Variants in TMEM131L observed in about 807,000 individuals in gnomAD.
The protein encoded by TMEM131L is transmembrane protein 131-like.
TMEM131L carries 54 observed loss-of-function variants against 192.2 expected under a neutral mutation model. The observed-to-expected ratio is 0.28, with a 90% CI of 0.23 to 0.35. The LOEUF is 0.35. Among genes scored for constraint, TMEM131L ranks in the 10% least tolerant of loss-of-function variants. The probability of loss-of-function intolerance (pLI) is 1.00; values close to 1 mark genes in which losing one functional copy is unlikely to be tolerated. For synonymous variants in TMEM131L, 701 were observed against 704.9 expected (o/e 0.99, Z 0.09); for missense variants, 1,888 against 1,972.9 (o/e 0.96, Z 0.82).
chr4:153,546,353 GAGGCC>G (rs1251313157), intron 3 of TMEM131L, among the ~76,000 whole-genome samples: 1 of 152,036 alleles, frequency 6.6e-6, no homozygotes, highest in African/African-American at 2.4e-5. Context: ...AAGAGTAAAA[GAGGCC>G]AGGTGGTCTT....
intron 3 of TMEM131L, among the ~76,000 whole-genome samples, chr4:153,525,627 A>AC (rs1735414760): frequency 3.3e-5 from 5 of 152,324 alleles, no homozygotes; most frequent in African/African-American, 1.2e-4. Flanking sequence ...GGCGTGAGCC[A>AC]CCGTGCCCAG....
intron 3 of TMEM131L, among the ~76,000 whole-genome samples, chr4:153,511,000 C>A (rs1338239643): frequency 6.6e-6 from 1 of 151,968 alleles, no homozygotes; most frequent in Non-Finnish European, 1.5e-5. Flanking sequence ...TCAAAAAGAC[C>A]TTTTTCCAAG....
At chr4:153,492,417 G>C (rs1442284086) in intron 3 of TMEM131L, among the ~76,000 whole-genome samples, 1 of 152,138 alleles carries the variant, frequency 6.6e-6, no homozygotes, top group African/African-American at 2.4e-5. Context: ...AAATTGATGA[G>C]GCTTCAGGGA....
At chr4:153,516,566 A>T (rs963323688) in intron 3 of TMEM131L, among the ~76,000 whole-genome samples, 3 of 152,102 alleles carry the variant, frequency 2.0e-5, no homozygotes, top group African/African-American at 7.2e-5. Context: ...GTTTATTTAA[A>T]AGGAAAGAAA....
chr4:153,514,044 A>G (rs1423196764), intron 3 of TMEM131L, among the ~76,000 whole-genome samples: 1 of 152,070 alleles, frequency 6.6e-6, no homozygotes, highest in African/African-American at 2.4e-5. Context: ...TCCTTTGAGT[A>G]GCTTTCTTTT....
At chr4:153,636,053 T>A (rs1578921734) in intron 34 of TMEM131L, among the ~76,000 whole-genome samples, 1 of 152,252 alleles carries the variant, frequency 6.6e-6, no homozygotes. Flanking sequence ...TTTGTTTTTT[T>A]CCAGATAAAG....
At chr4:153,493,516 C>T (rs531073517) in intron 3 of TMEM131L, among the ~76,000 whole-genome samples, 56 of 151,922 alleles carry the variant, frequency 3.7e-4, no homozygotes, top group Non-Finnish European at 7.7e-4. Context: ...AAAAATTAGC[C>T]GGGCATGGCG....
At chr4:153,576,950 C>T (rs1729990515) in intron 7 of TMEM131L, among the ~76,000 whole-genome samples, 1 of 152,104 alleles carries the variant, frequency 6.6e-6, no homozygotes, top group Non-Finnish European at 1.5e-5. Flanking sequence ...AGGCATTGTG[C>T]ATTCGAAGCA....
chr4:153,595,798 A>G (rs926079869), intron 19 of TMEM131L, among the ~76,000 whole-genome samples: 5 of 152,096 alleles, frequency 3.3e-5, no homozygotes, highest in Admixed American at 3.3e-4. Flanking sequence ...TGGAGATACT[A>G]AATATAATAA....
intron 4 of TMEM131L, among the ~76,000 whole-genome samples, chr4:153,554,760 G>C (rs570191203): frequency 2.0e-5 from 3 of 152,294 alleles, no homozygotes; most frequent in Admixed American, 1.3e-4. Flanking sequence ...TGAAATTTTT[G>C]CTGGCTCCCT....
intron 25 of TMEM131L, among the ~76,000 whole-genome samples, chr4:153,606,848 C>T (rs2126478717): frequency 6.6e-6 from 1 of 152,306 alleles, no homozygotes; most frequent in South Asian, 2.1e-4. Flanking sequence ...CCACCATGTT[C>T]AGACCAGCAA....
chr4:153,552,002 A>G (rs1737661917), intron 4 of TMEM131L, among the ~76,000 whole-genome samples: 1 of 152,066 alleles, frequency 6.6e-6, no homozygotes, highest in Admixed American at 6.5e-5. Flanking sequence ...TGAGCTCAGG[A>G]GTTCGAGACC....
chr4:153,510,906 GAAAA>G (rs886765262), intron 3 of TMEM131L, among the ~76,000 whole-genome samples: 1 of 151,414 alleles, frequency 6.6e-6, no homozygotes, highest in East Asian at 1.9e-4. Context: ...AACAAGAAAA[GAAAA>G]AAACCGGAAA....
intron 17 of TMEM131L, among the ~76,000 whole-genome samples, chr4:153,591,997 C>G (rs1731100023): frequency 6.6e-6 from 1 of 152,092 alleles, no homozygotes; most frequent in Admixed American, 6.6e-5. Flanking sequence ...AGACGTTACG[C>G]CCTCTTACCT....
chr4:153,576,908 A>T (rs941473753), intron 7 of TMEM131L, among the ~76,000 whole-genome samples: 2 of 152,134 alleles, frequency 1.3e-5, no homozygotes, highest in Non-Finnish European at 2.9e-5. Context: ...CTATCCACTC[A>T]TCAGCTGTTT....
chr4:153,583,489 T>C (rs1156316518), intron 10 of TMEM131L, 75 bp from the exon 11 acceptor site: 11 of 1,027,122 alleles, frequency 1.1e-5, no homozygotes, highest in Middle Eastern at 4.0e-4. Context: ...TGCTATTTAT[T>C]CTAACGGTTC....
chr4:153,585,067 A>G (rs932042470), intron 12 of TMEM131L, 136 bp downstream of exon 12: 12 of 687,582 alleles, frequency 1.7e-5, no homozygotes, highest in African/African-American at 1.4e-4. Flanking sequence ...TTGCCTTAGC[A>G]TTGCTAACAG....
chr4:153,568,325 C>T lies in TMEM131L; in HGVS notation c.660+9957C>T, dbSNP rs540322094. 7.2e-5 allele frequency among the ~76,000 whole-genome samples: 11 copies of T among 152,302 alleles called. No homozygotes were observed. The East Asian group carries it at 9.6e-4, about 13-fold the overall frequency. On this transcript the variant is annotated intron_variant, in intron 7 of 34. Coordinates refer to ENST00000409959, the MANE Select transcript of TMEM131L (RefSeq NM_001131007.2). ...TTTCAGACTCAGTGGAGTGTCTTCA[C>T]GCTCCGTCTTCCTCCTTGTTTGTGC...
rs568209315 is a variant in TMEM131L, at chr4:153,487,080, G to A, written c.239+13192G>A. Among the ~76,000 whole-genome samples, 307 of 152,322 alleles carry A rather than the reference G, an allele frequency of 2.0e-3. 1 individual carries two copies. The highest frequency in any genetic ancestry group is 7.2e-3 in the African/African-American group (298 of 41,566). On this transcript the variant is annotated intron_variant, in intron 3 of 34. Coordinates refer to ENST00000409959, the MANE Select transcript of TMEM131L (RefSeq NM_001131007.2). ...GTGTGAATCAGAAGCTCTAGGGGAG[G>A]AGCCCAGAGATCTGTTTTAACAAGC...
Sources: gnomAD v4.1 joint callset for allele counts (sites outside exome capture counted in the v4.1 genomes callset) on GRCh38, gnomAD v4.1.1 for gene constraint, MANE v1.5 for transcripts, NCBI Gene and HGNC (gene_info 2026-07-23, HGNC 2026-07-21) for gene names.